The following GLYATL3 variants were observed in gnomAD, a reference collection of about 807,000 sequenced individuals.
The protein encoded by GLYATL3 is glycine-N-acyltransferase like 3.
In GLYATL3, 31 loss-of-function variants were observed where a neutral mutation model predicts 28.5. That is an observed-to-expected ratio of 1.09 (90% confidence interval 0.82 to 1.47). The LOEUF (loss-of-function observed/expected upper bound fraction) is 1.47. Ranked by LOEUF, GLYATL3 falls within the 40% of genes most tolerant of loss-of-function variation. The probability of loss-of-function intolerance (pLI) is 0.00; values close to 1 mark genes in which losing one functional copy is unlikely to be tolerated. For missense variants in GLYATL3, 369 were observed against 351.5 expected (o/e 1.05, Z -0.40); for synonymous variants, 141 against 140.2 (o/e 1.01, Z -0.04).
rs1023765360 is a variant in GLYATL3, at chr6:49,527,281, C to T, written c.*367C>T. On this transcript the variant is annotated 3_prime_UTR_variant, in exon 6 of 6. Coordinates refer to ENST00000371197, the MANE Select transcript of GLYATL3 (RefSeq NM_001010904.2). ...TACTGCTTTTTGATTGCTGCTTGGA[C>T]CTCTGCTCTGTATTCTTAAAGCCAC... Among the ~76,000 whole-genome samples the T allele has an allele frequency of 6.6e-6, 1 of 152,152 alleles. No homozygotes were observed. The highest frequency in any genetic ancestry group is 1.5e-5 in the Non-Finnish European group (1 of 68,020).
intron 5 of GLYATL3, 101 bp from the exon 6 acceptor site, chr6:49,526,387 T>C: frequency 9.9e-7 from 1 of 1,006,210 alleles, no homozygotes; most frequent in Non-Finnish European, 1.5e-6. Context: ...CACTCCAGCC[T>C]GGGCGACAGA....
intron 3 of GLYATL3, among the ~76,000 whole-genome samples, chr6:49,516,783 G>C (rs1327393185): frequency 6.6e-6 from 1 of 151,744 alleles, no homozygotes; most frequent in Non-Finnish European, 1.5e-5. Context: ...AACAAAGCAA[G>C]ACCCTGTTGC....
chr6:49,517,370 T>G lies in GLYATL3; in HGVS notation c.187-60T>G, dbSNP rs563265637. ...TCCAGCTAACGGTATCTAATCTACC[T>G]AAGATTTGGATTATCCAGATAATAC... is the stretch of plus-strand genomic sequence containing the variant. On this transcript the variant is annotated intron_variant, in intron 3 of 5. Transcript: ENST00000371197. 3.8e-5 allele frequency: 54 copies of G among 1,413,474 alleles called. No homozygotes were observed. The African/African-American group carries it at 7.7e-4, about 20-fold the overall frequency. 87.6% of individuals were successfully genotyped at this position (1,413,474 alleles called of 1,614,324 possible).
intron 1 of GLYATL3, among the ~76,000 whole-genome samples, chr6:49,509,948 C>CTTTCTTTCTTTCTT (rs68151540): frequency 2.7e-4 from 27 of 100,260 alleles, no homozygotes; most frequent in African/African-American, 7.4e-4. Flanking sequence ...TATTTTCTTT[C>CTTTCTTTCTTTCTT]TCTTTCTTTC....
intron 1 of GLYATL3, among the ~76,000 whole-genome samples, chr6:49,505,661 A>C (rs1010080502): frequency 6.6e-6 from 1 of 152,212 alleles, no homozygotes; most frequent in Non-Finnish European, 1.5e-5. Flanking sequence ...GATGTAGAAA[A>C]GGCATTTTAA....
intron 2 of GLYATL3, among the ~76,000 whole-genome samples, chr6:49,515,016 C>T (rs1274952576): frequency 6.6e-6 from 1 of 152,150 alleles, no homozygotes; most frequent in Admixed American, 6.5e-5. Context: ...ACCAAGCATT[C>T]AATCATCTAT....
chr6:49,504,556 A>C (rs568221980), intron 1 of GLYATL3, among the ~76,000 whole-genome samples: 3 of 152,220 alleles, frequency 2.0e-5, no homozygotes, highest in Non-Finnish European at 4.4e-5. Context: ...AATATTAAGA[A>C]AATTTAATGT....
intron 1 of GLYATL3, among the ~76,000 whole-genome samples, chr6:49,501,485 T>G (rs1388272898): frequency 6.6e-6 from 1 of 152,180 alleles, no homozygotes; most frequent in Non-Finnish European, 1.5e-5. Context: ...CATTTGATTA[T>G]GAGGTGAGAT....
intron 5 of GLYATL3, among the ~76,000 whole-genome samples, chr6:49,522,802 A>C (rs984443671): frequency 6.6e-6 from 1 of 152,198 alleles, no homozygotes. Flanking sequence ...TGTATTTCTA[A>C]TTATGAAAAT....
chr6:49,507,155 A>C (rs1769025236), intron 1 of GLYATL3, among the ~76,000 whole-genome samples: 1 of 152,118 alleles, frequency 6.6e-6, no homozygotes, highest in Non-Finnish European at 1.5e-5. Context: ...TCATCATCAG[A>C]AGGAGGACTA....
rs1023757811 is a variant in GLYATL3 at position 49,526,533 on chromosome 6, G to A, written c.486G>A (p.Ala162=). 2.4e-5 allele frequency: 37 copies of A among 1,551,592 alleles called. No homozygotes were observed. In the East Asian group the frequency reaches 3.2e-4, roughly 13 times the overall value. Residue 162 remains alanine, a synonymous_variant, in exon 6 of 6, where the codon GCG becomes GCA. Transcript: ENST00000371197. ...TAACCTACCTGAGTGTTGCCAATGC[G>A]GATCTACTCAACCGGACTTGGTCCC... ...PRLTYLSVAN[A]DLLNRTWSRG... is the part of the protein sequence containing the mutation.
intron 4 of GLYATL3, among the ~76,000 whole-genome samples, chr6:49,519,753 T>A (rs1211501418): frequency 6.6e-6 from 1 of 152,204 alleles, no homozygotes; most frequent in Non-Finnish European, 1.5e-5. Flanking sequence ...ATTTTTAATC[T>A]GAGAGCCATT....
At chr6:49,523,139 T>A (rs1017272559) in intron 5 of GLYATL3, among the ~76,000 whole-genome samples, 1 of 151,864 alleles carries the variant, frequency 6.6e-6, no homozygotes, top group African/African-American at 2.4e-5. Context: ...AAATGCAAAA[T>A]CAACAAAGGG....
intron 1 of GLYATL3, among the ~76,000 whole-genome samples, chr6:49,507,294 AGAAATAGGAAGTAAAACACCATCTCTCAT>A (rs1181490512): frequency 6.6e-6 from 1 of 152,168 alleles, no homozygotes; most frequent in Non-Finnish European, 1.5e-5. Context: ...CAGTCCAAAC[AGAAATAGGAAGTAAAACACCATCTCTCAT>A]GAGCTGGTGG....
At chr6:49,505,052 C>T (rs567739718) in intron 1 of GLYATL3, among the ~76,000 whole-genome samples, 125 of 152,218 alleles carry the variant, frequency 8.2e-4, no homozygotes, top group African/African-American at 3.0e-3. Context: ...ATTTGTTTAG[C>T]TTTTTTCCAA....
intron 5 of GLYATL3, among the ~76,000 whole-genome samples, chr6:49,525,047 C>CT (rs1769381730): frequency 7.1e-6 from 1 of 140,208 alleles, no homozygotes; most frequent in African/African-American, 2.6e-5. Flanking sequence ...GATTTTATTT[C>CT]TTTTTTGGCC....
At chr6:49,508,547 T>A (rs9395499) in intron 1 of GLYATL3, among the ~76,000 whole-genome samples, 5 of 151,912 alleles carry the variant, frequency 3.3e-5, no homozygotes, top group Non-Finnish European at 7.4e-5. Flanking sequence ...CTTATCCATA[T>A]GGACAGGTGC....
intron 2 of GLYATL3, among the ~76,000 whole-genome samples, 181 bp downstream of exon 2, chr6:49,512,249 C>G (rs1769134515): frequency 1.3e-5 from 2 of 150,350 alleles, no homozygotes; most frequent in African/African-American, 4.9e-5. Context: ...GGATAAGGCC[C>G]AGGGAATTAC....
intron 1 of GLYATL3, among the ~76,000 whole-genome samples, chr6:49,502,092 C>T (rs2498467): frequency 0.98 from 148,743 of 152,296 alleles, 72,744 homozygotes; most frequent in East Asian, 1. Flanking sequence ...TCATCTTTTA[C>T]TCCATAGCAA....
Sources: gnomAD v4.1 joint callset for allele counts (sites outside exome capture counted in the v4.1 genomes callset) on GRCh38, gnomAD v4.1.1 for gene constraint, MANE v1.5 for transcripts, NCBI Gene and HGNC (gene_info 2026-07-23, HGNC 2026-07-21) for gene names.